The following DYRK1B variants were observed in gnomAD, a reference collection of about 807,000 sequenced individuals.
DYRK1B encodes dual specificity tyrosine-phosphorylation-regulated kinase 1B.
Under a neutral mutation model 57.1 loss-of-function variants are expected in DYRK1B, and 20 were observed. That is an observed-to-expected ratio of 0.35 (90% CI 0.25 to 0.51). The LOEUF is 0.51. Ranked by LOEUF, DYRK1B falls within the 20% of genes least tolerant of loss-of-function variation. The pLI, the probability that DYRK1B is intolerant of heterozygous loss-of-function variation, is 0.96. For synonymous variants in DYRK1B, 409 were observed against 384.7 expected, an observed-to-expected ratio of 1.06 and a Z score of -0.74; for missense variants, 732 against 886.3, an observed-to-expected ratio of 0.83 and a Z score of 2.21.
At position 39,828,530 on chromosome 19, in the gene DYRK1B, G is replaced by T; in HGVS notation, c.574C>A (p.Leu192Met). ...FRNHLCLVFE[L>M]LSYNLYDLLR... ...AGGTCGTACAGGTTGTAGGACAGCA[G>T]CTCAAATACCAGGCACAGGTGGTTC... Residue 192 changes from leucine (L) to methionine (M), a missense_variant, in exon 6 of 11, where the codon CTG (leucine) becomes ATG (methionine). Physicochemically the swap from Leu to Met is conservative, Grantham distance 15 (BLOSUM62 2). Around this residue, in one of 2 missense-constraint regions of DYRK1B, gnomAD observed 510 missense variants for 681.3 expected, o/e 0.75. Transcript: ENST00000323039. The surrounding 1 kb of genome is among the most constrained non-coding windows in gnomAD (Gnocchi z 4.3). The T allele has an allele frequency of 6.2e-7, 1 of 1,613,144 alleles. No individual in the cohort carries two copies.
chr19:39,829,831 A>C (rs773965040), intron 5 of DYRK1B, 49 bp downstream of exon 5: 3 of 1,599,020 alleles, frequency 1.9e-6, no homozygotes, highest in Non-Finnish European at 8.5e-7. Context: ...TACTGGCTCC[A>C]GCTCCCGCTA....
chr19:39,833,830 A>G (rs564457196), intron 1 of DYRK1B, among the ~76,000 whole-genome samples, 193 bp downstream of exon 1: 2 of 152,200 alleles, frequency 1.3e-5, no homozygotes, highest in Admixed American at 6.5e-5. Context: ...CCCTCCTGCA[A>G]CTGCTTCCTC....
Position 39,829,802 on chromosome 19 carries a change from CG to C in DYRK1B, c.520+77del, listed in dbSNP as rs1031426036. 5 of 1,513,228 alleles carry C rather than the reference CG, an allele frequency of 3.3e-6. No homozygotes were observed. The African/African-American group carries it at 4.1e-5, about 12-fold the overall frequency. 93.7% of individuals were successfully genotyped at this position (1,513,228 alleles called of 1,614,324 possible). A position where few individuals can be genotyped will look rare whatever the true frequency, so the allele number is the denominator to read the frequency against. ...CATCAGCCTCCTCCTGAGAGTAGGG[CG>C]GGGGTGTGACCCATCCCTACTGGCT... On this transcript the variant is annotated intron_variant, in intron 5 of 10. Transcript: ENST00000323039.
chr19:39,833,299 G>T (rs928474666), intron 1 of DYRK1B: 38 of 985,472 alleles, frequency 3.9e-5, no homozygotes, highest in Middle Eastern at 5.2e-4. Flanking sequence ...CCCACGGGGG[G>T]CTGGGGCGCG....
At position 39,826,335 on chromosome 19, in the gene DYRK1B, T is replaced by A; in HGVS notation, c.1412-49A>T. 1 of 1,457,444 alleles carries A rather than the reference T, an allele frequency of 6.9e-7. No individual in the cohort carries two copies. Among genetic ancestry groups the A allele is most frequent in the Non-Finnish European group, 9.2e-7 (1 of 1,085,462 alleles). 90.3% of individuals were successfully genotyped at this position (1,457,444 alleles called of 1,614,324 possible). A position where few individuals can be genotyped will look rare whatever the true frequency, so the allele number is the denominator to read the frequency against. On this transcript the variant is annotated intron_variant, in intron 9 of 10. Transcript: ENST00000323039. The surrounding 1 kb of genome is among the most constrained non-coding windows in gnomAD (Gnocchi z 6.3). ...TGAAGGGGCATAAGGTGAGAGAAGGTGGCGAGTGGGTTTTGGGATGGCTGA... is the reference window on the plus strand; with the variant it reads ...TGAAGGGGCATAAGGTGAGAGAAGGAGGCGAGTGGGTTTTGGGATGGCTGA...
At position 39,827,504 on chromosome 19, in the gene DYRK1B, G is replaced by T. The variant is rs1214363331; in HGVS notation, c.954+6C>A. ...ACCTCCAGCACACCCCTTCCTGGGG[G>T]CACACCTCATTGGAGCCACTGAAGA... is the stretch of plus-strand genomic sequence containing the variant. On this transcript the variant is annotated splice_donor_region_variant and intron_variant, in intron 7 of 10. Transcript: ENST00000323039. The T allele has an allele frequency of 6.2e-7, 1 of 1,613,252 alleles. No homozygotes were observed.
chr19:39,830,611 C>A (rs765600886), intron 3 of DYRK1B, 48 bp from the exon 4 acceptor site: 2 of 1,613,132 alleles, frequency 1.2e-6, no homozygotes, highest in African/African-American at 2.7e-5. Context: ...GTGACTCATG[C>A]CAGCAGACAA....
intron 6 of DYRK1B, 44 bp from the exon 7 acceptor site, chr19:39,827,700 G>A: frequency 6.3e-7 from 1 of 1,594,318 alleles, no homozygotes; most frequent in Non-Finnish European, 8.6e-7. Flanking sequence ...TCCCCTACTG[G>A]TCCCACTGAC....
At chr19:39,833,762 C>G (rs940321024) in intron 1 of DYRK1B, 2 of 152,328 alleles carry the variant, frequency 1.3e-5, no homozygotes, top group African/African-American at 4.8e-5. Flanking sequence ...AGAAGCGGCC[C>G]GCGGAGCTGA....
rs749686968 is a variant in DYRK1B at position 39,827,430 on chromosome 19, G to A, written c.955-5C>T. The A allele has an allele frequency of 6.2e-6, 10 of 1,611,210 alleles. No individual in the cohort carries two copies. The highest frequency in any genetic ancestry group is 2.7e-5 in the African/African-American group (2 of 74,860). On this transcript the variant is annotated splice_polypyrimidine_tract_variant and splice_region_variant and intron_variant, in intron 7 of 10. Transcript: ENST00000323039. ...AATGCGGTTCATCTGGTCGACCTGT[G>A]AGCAGGCAGGGGTCAAGGTCATCAG...
At chr19:39,833,238 G>A (rs1968907488) in intron 1 of DYRK1B, 4 of 985,580 alleles carry the variant, frequency 4.1e-6, no homozygotes, top group African/African-American at 1.7e-5. Flanking sequence ...CCCACACCAG[G>A]ATCATCTCTC....
chr19:39,833,254 CCCCA>C (rs779994144), intron 1 of DYRK1B: 55 of 985,478 alleles, frequency 5.6e-5, no homozygotes, highest in Admixed American at 6.1e-5. Context: ...CTCTCCCAGC[CCCCA>C]CCCCCTACCC....
At position 39,828,483 on chromosome 19, in the gene DYRK1B, G is replaced by A. The variant is rs371539604; in HGVS notation, c.621C>T (p.Arg207=). The part of the protein sequence containing the change: ...LYDLLRNTHF[R]GVSLNLTRKL... ...TCCGGGTCAGGTTCAGCGAGACGCC[G>A]CGGAAGTGGGTGTTGCGCAGGAGGT... Residue 207 remains arginine, a synonymous_variant, in exon 6 of 11, where the codon CGC becomes CGT. Coordinates refer to ENST00000323039, the MANE Select transcript of DYRK1B (RefSeq NM_004714.3). The surrounding 1 kb of genome is among the most constrained non-coding windows in gnomAD (Gnocchi z 4.3). 5.0e-6 allele frequency: 8 copies of A among 1,613,606 alleles called. No homozygotes were observed. Among genetic ancestry groups the A allele is most frequent in the Non-Finnish European group, 6.8e-6 (8 of 1,179,792 alleles).
At chr19:39,832,919 G>A in intron 1 of DYRK1B, 1 of 984,754 alleles carries the variant, frequency 1.0e-6, no homozygotes, top group Non-Finnish European at 1.2e-6. Flanking sequence ...CCCCTACACT[G>A]CTTCCTTGCC....
At position 39,827,658 on chromosome 19, in the gene DYRK1B, T is replaced by G. The variant is rs1461924397; in HGVS notation, c.808-2A>C. 1 of 1,612,936 alleles carries G rather than the reference T, an allele frequency of 6.2e-7. No homozygotes were observed. Among genetic ancestry groups the G allele is most frequent in the African/African-American group, 1.3e-5 (1 of 74,864 alleles). ...GCGGCTCTGGATATACTGGTAGATC[T>G]GGGAAAAGGGTAATCGTCAAGGGAC... On this transcript the variant is annotated splice_acceptor_variant, in intron 6 of 10. Coordinates refer to ENST00000323039, the MANE Select transcript of DYRK1B (RefSeq NM_004714.3). LOFTEE classifies it high-confidence loss of function.
In DYRK1B at chr19:39,826,029, G is replaced by A; in HGVS notation, c.1576C>T (p.His526Tyr). 2.0e-6 allele frequency: 3 copies of A among 1,519,454 alleles called. No individual in the cohort carries two copies. Among genetic ancestry groups the A allele is most frequent in the Non-Finnish European group, 2.6e-6 (3 of 1,136,096 alleles). 94.1% of individuals were successfully genotyped at this position (1,519,454 alleles called of 1,614,324 possible). A position where few individuals can be genotyped will look rare whatever the true frequency, so the allele number is the denominator to read the frequency against. The stretch of plus-strand genomic sequence containing the variant: ...GACGAGGCAGAGGCAGGGGCTTGAT[G>A]TGTCTTGTGGGGCACATCACCCCCT... ...WAGGDVPHKT[H>Y]QAPASASSLP... Residue 526 changes from histidine to tyrosine, a missense_variant, in exon 11 of 11, where the codon CAT becomes TAT. By Grantham distance (83) the His-to-Tyr change is moderately conservative (BLOSUM62 2). This residue lies in a region of DYRK1B where 222 missense variants were observed against 205.0 expected (regional missense o/e 1.08). Transcript: ENST00000323039. The surrounding 1 kb of genome is among the most constrained non-coding windows in gnomAD (Gnocchi z 6.3).
Position 39,830,645 on chromosome 19 carries a change from T to C in DYRK1B, c.183+19A>G, listed in dbSNP as rs1487520192. ...AAGACCCTCGGCACCCAGCCCAGGA[T>C]CCCCCAGCCCCTGCCCACCTCATTG... is the stretch of plus-strand genomic sequence containing the variant. On this transcript the variant is annotated intron_variant, in intron 3 of 10. Coordinates refer to ENST00000323039, the MANE Select transcript of DYRK1B (RefSeq NM_004714.3). 6.2e-7 allele frequency: 1 copy of C among 1,613,150 alleles called. No homozygotes were observed. The highest frequency in any genetic ancestry group is 2.2e-5 in the East Asian group (1 of 44,862).
Position 39,828,084 on chromosome 19 carries a change from C to T in DYRK1B, c.807+213G>A, listed in dbSNP as rs1333592570. On this transcript the variant is annotated intron_variant, in intron 6 of 10. Coordinates refer to ENST00000323039, the MANE Select transcript of DYRK1B (RefSeq NM_004714.3). This position sits in a 1 kb window ranked among gnomAD's most constrained non-coding sequence, Gnocchi z 4.3. Reference sequence around the variant, plus strand: ...AAACCCAACCCAACTTCACCCTGTTCACATCTGGCAGCTTCAAAATGGGCC... The same window carrying T: ...AAACCCAACCCAACTTCACCCTGTTTACATCTGGCAGCTTCAAAATGGGCC... 6.6e-6 allele frequency among the ~76,000 whole-genome samples: 1 copy of T among 152,200 alleles called. No individual in the cohort carries two copies.
At chr19:39,827,014 G>GGGTGGGGGGGGGGGC in intron 8 of DYRK1B, 27 bp from the exon 9 acceptor site, 1 of 419,606 alleles carries the variant, frequency 2.4e-6, no homozygotes, top group Non-Finnish European at 4.3e-6. Flanking sequence ...GGGAGGGGGG[G>GGGTGGGGGGGGGGGC]CAAGAGAGTG....
Sources: gnomAD v4.1 joint callset for allele counts (sites outside exome capture counted in the v4.1 genomes callset) on GRCh38, gnomAD v4.1.1 for gene constraint, gnomAD v4.1.1 regional missense constraint, Gnocchi (gnomAD v3.1) non-coding constraint, MANE v1.5 for transcripts, NCBI Gene and HGNC (gene_info 2026-07-23, HGNC 2026-07-21) for gene names.